The following DCC variants were observed in gnomAD, a reference collection of about 807,000 sequenced individuals.
DCC encodes DCC netrin 1 receptor.
DCC carries 58 observed loss-of-function variants against 172.5 expected under a neutral mutation model. The ratio of observed to expected loss-of-function variants is 0.34; its 90% CI spans 0.27 to 0.42. The LOEUF (loss-of-function observed/expected upper bound fraction) is 0.42, where lower values mean the gene tolerates loss of function less well. DCC is among the 10% of genes least tolerant of loss of function. The pLI is 1.00. For missense variants in DCC, 1,740 were observed against 1,791.0 expected (o/e 0.97, Z 0.51); for synonymous variants, 709 against 644.5 (o/e 1.10, Z -1.52).
chr18:52,470,848 C>T (rs9961115), intron 1 of DCC, among the ~76,000 whole-genome samples: 4,831 of 152,224 alleles, frequency 0.032, 273 homozygotes, highest in African/African-American at 0.11. Context: ...GGGGCTGTAA[C>T]CTTCAAATCA....
chr18:53,063,678 G>T (rs566031362), intron 6 of DCC: 2 of 509,042 alleles, frequency 3.9e-6, no homozygotes, highest in Non-Finnish European at 7.0e-6. Context: ...TTACAGACAA[G>T]ACTTTAAAAC....
chr18:52,635,303 C>T (rs2034752929), intron 1 of DCC, among the ~76,000 whole-genome samples: 1 of 152,220 alleles, frequency 6.6e-6, no homozygotes, highest in Non-Finnish European at 1.5e-5. Flanking sequence ...AATTCTTTCT[C>T]ACTGCTACTA....
At chr18:53,149,786 A>C (rs1487400776) in intron 7 of DCC, among the ~76,000 whole-genome samples, 1 of 152,206 alleles carries the variant, frequency 6.6e-6, no homozygotes, top group African/African-American at 2.4e-5. Context: ...CGTTGCTGAG[A>C]TGAAAATACT....
chr18:52,579,572 C>T (rs1642018403), intron 1 of DCC, among the ~76,000 whole-genome samples: 1 of 152,080 alleles, frequency 6.6e-6, no homozygotes, highest in Non-Finnish European at 1.5e-5. Context: ...ATAATCCTCA[C>T]ACCTCTGTTG....
intron 1 of DCC, among the ~76,000 whole-genome samples, chr18:52,636,013 C>T (rs1416143171): frequency 6.6e-6 from 1 of 152,204 alleles, no homozygotes; most frequent in African/African-American, 2.4e-5. Context: ...ACCGCAAATA[C>T]TGTGAGCGCC....
At chr18:52,631,472 G>T (rs1451348656) in intron 1 of DCC, among the ~76,000 whole-genome samples, 1 of 152,152 alleles carries the variant, frequency 6.6e-6, no homozygotes. Context: ...ACTCTAGTAA[G>T]GTACTGTCCT....
intron 15 of DCC, among the ~76,000 whole-genome samples, chr18:53,357,811 G>A (rs940361408): frequency 6.6e-6 from 1 of 152,144 alleles, no homozygotes; most frequent in African/African-American, 2.4e-5. Flanking sequence ...ACGGACTTCA[G>A]CTGCATTTCA....
intron 1 of DCC, among the ~76,000 whole-genome samples, chr18:52,372,909 T>G (rs1439560331): frequency 6.6e-6 from 1 of 152,178 alleles, no homozygotes. Context: ...AATTTATTGT[T>G]CGAATGGAAA....
rs912705816 is a variant in DCC, at chr18:52,738,597, C to T, written c.92-13457C>T. Among the ~76,000 whole-genome samples, 12 of 152,150 alleles carry T rather than the reference C, an allele frequency of 7.9e-5. No individual in the cohort carries two copies. In the East Asian group the frequency reaches 1.5e-3, roughly 20 times the overall value. ...CGAATACAAAGACTTAGGAAGTTAC[C>T]GTACTTACTATAGACTTCATAAACA... On this transcript the variant is annotated intron_variant, in intron 1 of 28. Transcript: ENST00000442544.
intron 27 of DCC, among the ~76,000 whole-genome samples, chr18:53,523,896 G>A (rs1335959981): frequency 2.0e-5 from 3 of 151,774 alleles, no homozygotes; most frequent in South Asian, 2.1e-4. Context: ...AGAACTTAAA[G>A]TATAAGAAAA....
At chr18:53,233,242 A>C (rs574873280) in intron 12 of DCC, among the ~76,000 whole-genome samples, 12 of 152,188 alleles carry the variant, frequency 7.9e-5, no homozygotes, top group Admixed American at 2.0e-4. Flanking sequence ...ATGTGTCATC[A>C]TACCAGTTAT....
At chr18:52,346,377 C>T (rs1456006560) in intron 1 of DCC, among the ~76,000 whole-genome samples, 1 of 152,194 alleles carries the variant, frequency 6.6e-6, no homozygotes. Context: ...TCTGGTTTAA[C>T]TCCAAACTAA....
intron 2 of DCC, 33 bp downstream of exon 2, chr18:52,752,407 C>G (rs769396196): frequency 6.8e-7 from 1 of 1,476,188 alleles, no homozygotes; most frequent in Non-Finnish European, 9.5e-7. Flanking sequence ...TCCTCCTCCT[C>G]CTTCCTCTCT....
At chr18:53,089,766 G>A (rs965928292) in intron 7 of DCC, among the ~76,000 whole-genome samples, 6 of 152,106 alleles carry the variant, frequency 3.9e-5, no homozygotes, top group Non-Finnish European at 7.4e-5. Context: ...TTGAAGTCAT[G>A]TGATGCATAA....
intron 1 of DCC, among the ~76,000 whole-genome samples, chr18:52,662,649 C>G (rs996732928): frequency 6.9e-6 from 1 of 145,836 alleles, no homozygotes; most frequent in Non-Finnish European, 1.5e-5. Flanking sequence ...AAGAAGAAAA[C>G]AAGGGATGGA....
intron 7 of DCC, among the ~76,000 whole-genome samples, chr18:53,129,660 T>A (rs758072056): frequency 6.6e-6 from 1 of 152,122 alleles, no homozygotes; most frequent in Admixed American, 6.6e-5. Flanking sequence ...GTACCAATAC[T>A]TCATTCTTAT....
At chr18:53,335,341 T>G (rs2144857986) in intron 14 of DCC, among the ~76,000 whole-genome samples, 1 of 152,328 alleles carries the variant, frequency 6.6e-6, no homozygotes, top group African/African-American at 2.4e-5. Context: ...TTATTAGGAC[T>G]TATGTTTTGT....
In DCC at chr18:52,535,797, G is replaced by A. The variant is rs183659775; in HGVS notation, c.91+194919G>A. On this transcript the variant is annotated intron_variant, in intron 1 of 28. Coordinates refer to ENST00000442544, the MANE Select transcript of DCC (RefSeq NM_005215.4). Reference sequence around the variant, plus strand: ...CATACATTCAACACCCATTTGCTTAGCACTCATTAAGCAGTGGGAAAACAT... The same window carrying A: ...CATACATTCAACACCCATTTGCTTAACACTCATTAAGCAGTGGGAAAACAT... 3.4e-3 allele frequency among the ~76,000 whole-genome samples: 524 copies of A among 152,242 alleles called. 3 individuals carry two copies. The highest frequency in any genetic ancestry group is 3.4e-3 in the Non-Finnish European group (231 of 67,998).
intron 27 of DCC, among the ~76,000 whole-genome samples, chr18:53,515,961 T>C (rs1441446544): frequency 6.6e-6 from 1 of 151,672 alleles, no homozygotes; most frequent in Non-Finnish European, 1.5e-5. Context: ...TTAAAGTTCA[T>C]ATGGAACCAA....
Sources: gnomAD v4.1 joint callset for allele counts (sites outside exome capture counted in the v4.1 genomes callset) on GRCh38, gnomAD v4.1.1 for gene constraint, MANE v1.5 for transcripts, NCBI Gene and HGNC (gene_info 2026-07-23, HGNC 2026-07-21) for gene names.